LDLRAD4: variants seen among roughly 807,000 people sequenced by gnomAD.
LDLRAD4 encodes low density lipoprotein receptor class A domain containing 4, also known as low-density lipoprotein receptor class A domain-containing protein 4.
A neutral mutation model predicts 17.0 loss-of-function variants in LDLRAD4; 5 were observed. The observed-to-expected ratio is 0.29, with a 90% confidence interval of 0.15 to 0.62. LDLRAD4 has a LOEUF of 0.62. Among genes scored for constraint, LDLRAD4 ranks in the 20% least tolerant of loss-of-function variants. LDLRAD4 has a pLI of 0.84. For missense variants in LDLRAD4, 340 were observed against 424.7 expected, an observed-to-expected ratio of 0.80 and a Z score of 1.75; for synonymous variants, 168 against 171.8, an observed-to-expected ratio of 0.98 and a Z score of 0.17.
At chr18:13,323,258 C>T (rs1271547071) in intron 1 of LDLRAD4, among the ~76,000 whole-genome samples, 1 of 152,266 alleles carries the variant, frequency 6.6e-6, no homozygotes, top group African/African-American at 2.4e-5. Context: ...GCCTTGGCCT[C>T]CCAAGTAGCT....
chr18:13,434,934 A>G (rs1400997687), intron 2 of LDLRAD4, among the ~76,000 whole-genome samples: 2 of 152,250 alleles, frequency 1.3e-5, no homozygotes, highest in Non-Finnish European at 2.9e-5. Context: ...GGTGCCAGAA[A>G]ACCCACGCTG....
chr18:13,441,658 A>G (rs2091029548), intron 3 of LDLRAD4, among the ~76,000 whole-genome samples: 1 of 152,206 alleles, frequency 6.6e-6, no homozygotes. Context: ...CATATCTCCC[A>G]TTTGATATTT....
intron 3 of LDLRAD4, among the ~76,000 whole-genome samples, chr18:13,446,115 G>C (rs1008308165): frequency 3.3e-5 from 5 of 152,142 alleles, no homozygotes; most frequent in African/African-American, 1.2e-4. Context: ...GGTAGGAAGG[G>C]AGCTGCTGTT....
chr18:13,246,098 G>C (rs2042940769), intron 1 of LDLRAD4, among the ~76,000 whole-genome samples: 1 of 152,242 alleles, frequency 6.6e-6, no homozygotes, highest in Non-Finnish European at 1.5e-5. Context: ...TGGCATGAAG[G>C]TTGGGTCCCT....
intron 3 of LDLRAD4, among the ~76,000 whole-genome samples, chr18:13,577,785 C>T (rs1176754241): frequency 6.6e-6 from 1 of 152,092 alleles, no homozygotes. Context: ...GTGAGGCGTA[C>T]CTCTTAAGAA....
At chr18:13,476,592 C>T (rs975613983) in intron 3 of LDLRAD4, among the ~76,000 whole-genome samples, 2 of 149,816 alleles carry the variant, frequency 1.3e-5, no homozygotes, top group African/African-American at 4.9e-5. Flanking sequence ...CCACTGTACT[C>T]CAGCCTGGGC....
intron 3 of LDLRAD4, chr18:13,519,829 C>G (rs2147630757): frequency 6.6e-6 from 1 of 152,210 alleles, no homozygotes; most frequent in Non-Finnish European, 1.5e-5. Flanking sequence ...GGTAAATACC[C>G]AAAAAGTGCT....
intron 1 of LDLRAD4, among the ~76,000 whole-genome samples, chr18:13,232,534 T>C (rs1567913418): frequency 6.7e-6 from 1 of 150,272 alleles, no homozygotes; most frequent in Non-Finnish European, 1.5e-5. Flanking sequence ...GTAAATCGCC[T>C]TCCTTCCCTG....
upstream of LDLRAD4, among the ~76,000 whole-genome samples, chr18:13,275,727 C>A (rs571684574): frequency 1.3e-5 from 2 of 152,020 alleles, no homozygotes; most frequent in East Asian, 3.9e-4. Flanking sequence ...TCTCATGTAC[C>A]CTGTAAATAC....
At chr18:13,609,875 G>A (rs1272279571) in intron 3 of LDLRAD4, among the ~76,000 whole-genome samples, 5 of 152,274 alleles carry the variant, frequency 3.3e-5, no homozygotes, top group East Asian at 1.9e-4. Flanking sequence ...CCAGCTACTC[G>A]GGAAGCTGAG....
At chr18:13,429,203 A>C (rs1476917570) in intron 2 of LDLRAD4, among the ~76,000 whole-genome samples, 1 of 152,170 alleles carries the variant, frequency 6.6e-6, no homozygotes, top group Admixed American at 6.5e-5. Context: ...AGATGAGGCC[A>C]AGTTAACCAC....
chr18:13,320,852 A>T (rs1568003463), intron 1 of LDLRAD4, among the ~76,000 whole-genome samples: 1 of 152,100 alleles, frequency 6.6e-6, no homozygotes, highest in Non-Finnish European at 1.5e-5. Context: ...TTAATTCAGG[A>T]GTTCAAAGCC....
chr18:13,463,066 C>A (rs539271136), intron 3 of LDLRAD4, among the ~76,000 whole-genome samples: 1 of 152,226 alleles, frequency 6.6e-6, no homozygotes, highest in East Asian at 1.9e-4. Flanking sequence ...GCTGGGGGGC[C>A]CGAGACCAAG....
intron 1 of LDLRAD4, among the ~76,000 whole-genome samples, chr18:13,284,066 A>G (rs1167970593): frequency 1.3e-5 from 2 of 152,176 alleles, no homozygotes; most frequent in African/African-American, 4.8e-5. Flanking sequence ...GAATTCTGGG[A>G]GATACAATTC....
At chr18:13,597,212 A>T (rs2095106267) in intron 3 of LDLRAD4, among the ~76,000 whole-genome samples, 2 of 152,192 alleles carry the variant, frequency 1.3e-5, no homozygotes, top group African/African-American at 4.8e-5. Context: ...AGTCTTTTTA[A>T]ATAAATTTCA....
At position 13,440,295 on chromosome 18, in the gene LDLRAD4, T is replaced by C. The variant is rs1290494051; in HGVS notation, c.181+1911T>C. ...TTCCCTCCTCCCTCGCTCCCTTTCTTGTCAGTATTCTTTCCGGTTTTTGAG... is the reference window on the plus strand; with the variant it reads ...TTCCCTCCTCCCTCGCTCCCTTTCTCGTCAGTATTCTTTCCGGTTTTTGAG... On this transcript the variant is annotated intron_variant, in intron 3 of 5. Transcript: ENST00000359446. The surrounding 1 kb of genome is among the most constrained non-coding windows in gnomAD (Gnocchi z 4.4). 6.6e-6 allele frequency among the ~76,000 whole-genome samples: 1 copy of C among 152,166 alleles called. No individual in the cohort carries two copies. Among genetic ancestry groups the C allele is most frequent in the Non-Finnish European group, 1.5e-5 (1 of 68,024 alleles).
chr18:13,389,483 G>T (rs1049114168), intron 2 of LDLRAD4, among the ~76,000 whole-genome samples: 11 of 152,290 alleles, frequency 7.2e-5, no homozygotes, highest in Admixed American at 2.6e-4. Flanking sequence ...GGGAGGAGCG[G>T]CACCTAGGAT....
At chr18:13,376,116 T>C (rs1304776115) in intron 1 of LDLRAD4, among the ~76,000 whole-genome samples, 2 of 152,082 alleles carry the variant, frequency 1.3e-5, no homozygotes, top group Non-Finnish European at 2.9e-5. Flanking sequence ...GAGGTTGCTG[T>C]CTGTTGCGGG....
At chr18:13,595,864 A>G (rs1433105510) in intron 3 of LDLRAD4, among the ~76,000 whole-genome samples, 1 of 152,198 alleles carries the variant, frequency 6.6e-6, no homozygotes, top group Non-Finnish European at 1.5e-5. Flanking sequence ...AGTGTTCTAT[A>G]GAGGTCCATC....
Sources: gnomAD v4.1 joint callset for allele counts (sites outside exome capture counted in the v4.1 genomes callset) on GRCh38, gnomAD v4.1.1 for gene constraint, Gnocchi (gnomAD v3.1) non-coding constraint, MANE v1.5 for transcripts, NCBI Gene and HGNC (gene_info 2026-07-23, HGNC 2026-07-21) for gene names.